Variants in GRID2 observed in about 807,000 individuals in gnomAD.
GRID2 encodes the protein glutamate receptor ionotropic, delta-2.
A neutral mutation model predicts 114.8 loss-of-function variants in GRID2; 33 were observed. The observed-to-expected ratio is 0.29, with a 90% CI of 0.22 to 0.38. GRID2 has a LOEUF of 0.38. GRID2 is among the 10% of genes least tolerant of loss of function. GRID2 has a pLI of 1.00. For missense variants in GRID2, 1,184 were observed against 1,257.7 expected (o/e 0.94, Z 0.89); for synonymous variants, 505 against 449.9 (o/e 1.12, Z -1.55).
intron 1 of GRID2, among the ~76,000 whole-genome samples, chr4:92,530,111 T>C (rs564325664): frequency 6.6e-6 from 1 of 152,006 alleles, no homozygotes; most frequent in Non-Finnish European, 1.5e-5. Context: ...TAGGTACTGA[T>C]TTTATGCAGG....
chr4:93,627,626 T>G (rs11097378), intron 14 of GRID2, among the ~76,000 whole-genome samples: 89,089 of 152,048 alleles, frequency 0.59, 26,839 homozygotes, highest in East Asian at 0.73. Flanking sequence ...TCAACTGCAG[T>G]CCTACTCTGT....
chr4:93,363,408 C>A (rs1762054305), intron 8 of GRID2, among the ~76,000 whole-genome samples: 1 of 152,108 alleles, frequency 6.6e-6, no homozygotes. Context: ...TGATTTTGTC[C>A]ATTACAGCTT....
At position 92,790,826 on chromosome 4, in the gene GRID2, T is replaced by C. The variant is rs1007325992; in HGVS notation, c.244+200540T>C. ...ATAAATATTTTAAGTTGGGAATTTG[T>C]CACTTTTTGTTGTGTTTTGTTTTCT... On this transcript the variant is annotated intron_variant, in intron 2 of 15. Transcript: ENST00000282020. 2.0e-5 allele frequency among the ~76,000 whole-genome samples: 3 copies of C among 151,862 alleles called. 1 individual carries two copies. Among genetic ancestry groups the C allele is most frequent in the Admixed American group, 2.0e-4 (3 of 15,206 alleles).
At chr4:92,820,827 T>C (rs1209241204) in intron 2 of GRID2, among the ~76,000 whole-genome samples, 3 of 152,110 alleles carry the variant, frequency 2.0e-5, no homozygotes, top group Admixed American at 2.0e-4. Flanking sequence ...ATTATCATGT[T>C]ATAATTAATA....
intron 2 of GRID2, among the ~76,000 whole-genome samples, chr4:92,818,454 T>A (rs112905193): frequency 2.0e-5 from 3 of 152,228 alleles, no homozygotes; most frequent in African/African-American, 7.2e-5. Context: ...GGAGGTAGAA[T>A]GAGAAAAGGC....
intron 2 of GRID2, among the ~76,000 whole-genome samples, chr4:92,688,027 C>CCTT (rs1469222629): frequency 1.3e-4 from 15 of 115,102 alleles, no homozygotes; most frequent in Admixed American, 2.9e-4. Flanking sequence ...ATTGGTTGAC[C>CCTT]CTTCTTCTTC....
At chr4:93,176,922 G>C (rs1739396301) in intron 4 of GRID2, among the ~76,000 whole-genome samples, 1 of 152,132 alleles carries the variant, frequency 6.6e-6, no homozygotes, top group African/African-American at 2.4e-5. Context: ...TGTATTTCCG[G>C]AGTGAGGGAG....
chr4:93,346,764 A>AT (rs1760280273), intron 8 of GRID2, among the ~76,000 whole-genome samples: 1 of 152,162 alleles, frequency 6.6e-6, no homozygotes. Flanking sequence ...ATCTCAACAG[A>AT]TTTTTAGTAT....
At chr4:93,458,469 A>G (rs1225478782) in intron 11 of GRID2, among the ~76,000 whole-genome samples, 1 of 152,118 alleles carries the variant, frequency 6.6e-6, no homozygotes, top group Non-Finnish European at 1.5e-5. Flanking sequence ...GTCACTTTGC[A>G]TGGGATAGTT....
chr4:92,931,832 T>C (rs1172164376), intron 2 of GRID2, among the ~76,000 whole-genome samples: 2 of 151,214 alleles, frequency 1.3e-5, no homozygotes, highest in African/African-American at 4.8e-5. Flanking sequence ...GTGCAGTCAA[T>C]TGTTTTTTGA....
intron 2 of GRID2, among the ~76,000 whole-genome samples, chr4:92,861,852 A>G (rs1356484337): frequency 1.3e-5 from 2 of 151,944 alleles, no homozygotes; most frequent in South Asian, 4.1e-4. Context: ...GCAAATGTCC[A>G]CCCTGGCTAC....
At chr4:92,615,144 C>G (rs1474014982) in intron 2 of GRID2, among the ~76,000 whole-genome samples, 1 of 151,520 alleles carries the variant, frequency 6.6e-6, no homozygotes, top group African/African-American at 2.4e-5. Context: ...TAAGGGCTTT[C>G]TCCTTGGGTT....
At chr4:93,335,772 C>A (rs1174683102) in intron 8 of GRID2, among the ~76,000 whole-genome samples, 1 of 149,584 alleles carries the variant, frequency 6.7e-6, no homozygotes, top group African/African-American at 2.5e-5. Context: ...AATCAGGGCT[C>A]ACCACAGCCT....
chr4:93,726,560 A>G (rs1448220384), intron 14 of GRID2, among the ~76,000 whole-genome samples: 2 of 152,152 alleles, frequency 1.3e-5, no homozygotes, highest in East Asian at 3.8e-4. Context: ...CATTGAATCT[A>G]TAAATTACCT....
intron 14 of GRID2, among the ~76,000 whole-genome samples, chr4:93,719,683 C>G (rs778514003): frequency 1.1e-4 from 17 of 152,180 alleles, no homozygotes; most frequent in Admixed American, 6.6e-5. Flanking sequence ...ATGATGATCT[C>G]ATACCCACTC....
At chr4:93,630,216 T>C (rs1743119473) in intron 14 of GRID2, among the ~76,000 whole-genome samples, 1 of 152,156 alleles carries the variant, frequency 6.6e-6, no homozygotes. Context: ...ATCAGATGTG[T>C]GCGTGAGTGT....
chr4:93,107,663 G>A (rs189679326), intron 3 of GRID2, among the ~76,000 whole-genome samples: 1 of 151,704 alleles, frequency 6.6e-6, no homozygotes, highest in African/African-American at 2.4e-5. Flanking sequence ...CTCAGCCTGG[G>A]TATGTATTTT....
intron 12 of GRID2, among the ~76,000 whole-genome samples, chr4:93,498,736 C>A (rs1727806625): frequency 6.6e-6 from 1 of 151,698 alleles, no homozygotes. Flanking sequence ...GTGGTTGTAT[C>A]ATTTTTCTTT....
At chr4:92,903,733 C>T (rs1185785375) in intron 2 of GRID2, among the ~76,000 whole-genome samples, 1 of 151,864 alleles carries the variant, frequency 6.6e-6, no homozygotes, top group Non-Finnish European at 1.5e-5. Flanking sequence ...GTTGATAAGT[C>T]TACTAATTTC....
Sources: gnomAD v4.1 joint callset for allele counts (sites outside exome capture counted in the v4.1 genomes callset) on GRCh38, gnomAD v4.1.1 for gene constraint, MANE v1.5 for transcripts, NCBI Gene and HGNC (gene_info 2026-07-23, HGNC 2026-07-21) for gene names.